CFAP20DC: variants seen among roughly 807,000 people sequenced by gnomAD.
The protein encoded by CFAP20DC is protein CFAP20DC.
A neutral mutation model predicts 101.7 loss-of-function variants in CFAP20DC; 84 were observed. The observed-to-expected ratio is 0.83, with a 90% CI of 0.69 to 0.99. The LOEUF (loss-of-function observed/expected upper bound fraction) is 0.99. Ranked by LOEUF, CFAP20DC falls within the 50% of genes least tolerant of loss-of-function variation. The pLI is 0.00. For missense variants in CFAP20DC, 1,007 were observed against 970.3 expected (o/e 1.04, Z -0.50); for synonymous variants, 359 against 351.2 (o/e 1.02, Z -0.25).
Position 58,717,459 on chromosome 3 carries a change from G to A in CFAP20DC, c.*129C>T. ...GCTTTGGGATCTGTAGACAAAAGAT[G>A]CTTATTCTTCTCATGTGAAATGTGT... is the stretch of plus-strand genomic sequence containing the variant. On this transcript the variant is annotated 3_prime_UTR_variant, in exon 4 of 4. Coordinates refer to the CFAP20DC transcript ENST00000486145. This position sits in a 1 kb window ranked among gnomAD's most constrained non-coding sequence, Gnocchi z 4.1. The A allele has an allele frequency of 3.5e-6, 1 of 287,512 alleles. No individual in the cohort carries two copies. The highest frequency in any genetic ancestry group is 3.0e-5 in the South Asian group (1 of 32,992). The allele number at this position is 287,512 out of a possible 1,614,324, so 17.8% of individuals were successfully genotyped here.
At chr3:58,720,425 A>T (rs907908814) in intron 3 of CFAP20DC, among the ~76,000 whole-genome samples, 3 of 152,154 alleles carry the variant, frequency 2.0e-5, no homozygotes, top group Non-Finnish European at 4.4e-5. Context: ...TAACATGGTG[A>T]CTCTGAGGAC....
chr3:58,983,905 T>C (rs938651408), intron 4 of CFAP20DC, among the ~76,000 whole-genome samples: 16 of 152,202 alleles, frequency 1.1e-4, no homozygotes, highest in Non-Finnish European at 2.4e-4. Flanking sequence ...CCAGGCAGTC[T>C]GGCCCTAGCA....
intron 4 of CFAP20DC, among the ~76,000 whole-genome samples, chr3:58,950,454 T>A (rs1576452606): frequency 6.6e-6 from 1 of 152,216 alleles, no homozygotes; most frequent in South Asian, 2.1e-4. Context: ...CATTGCCAAG[T>A]CAATCCTAAG....
At chr3:58,876,561 T>C (rs1055463000) in intron 7 of CFAP20DC, among the ~76,000 whole-genome samples, 1 of 152,148 alleles carries the variant, frequency 6.6e-6, no homozygotes. Flanking sequence ...TTGGTGTAGG[T>C]CAGAGATGTT....
In CFAP20DC at chr3:58,862,516, C is replaced by T. The variant is rs577037134; in HGVS notation, c.1593+1042G>A. 4.8e-5 allele frequency: 47 copies of T among 985,250 alleles called. 1 individual carries two copies. The highest frequency in any genetic ancestry group is 4.9e-5 in the Non-Finnish European group (41 of 829,928). 61.0% of individuals were successfully genotyped at this position (985,250 alleles called of 1,614,324 possible). Reference sequence around the variant, plus strand: ...CAGAAGCAAGAATATTGTGAAAAGACGATCCTCTACGCGCTTTGCTGAAGA... The same window carrying T: ...CAGAAGCAAGAATATTGTGAAAAGATGATCCTCTACGCGCTTTGCTGAAGA... On this transcript the variant is annotated intron_variant, in intron 12 of 16. Transcript: ENST00000482387.
intron 4 of CFAP20DC, among the ~76,000 whole-genome samples, chr3:58,983,201 T>G (rs1228311813): frequency 6.6e-6 from 1 of 152,214 alleles, no homozygotes; most frequent in Non-Finnish European, 1.5e-5. Flanking sequence ...ATTGTTTAAG[T>G]GGACATCTGT....
chr3:58,930,507 G>A (rs1435238224), intron 5 of CFAP20DC, among the ~76,000 whole-genome samples: 1 of 152,114 alleles, frequency 6.6e-6, no homozygotes, highest in Non-Finnish European at 1.5e-5. Flanking sequence ...AATAACTCTG[G>A]ATCCCAGAAT....
Position 58,912,569 on chromosome 3 carries a change from T to C in CFAP20DC, c.550+1139A>G. 2.8e-6 allele frequency: 1 copy of C among 357,290 alleles called. No individual in the cohort carries two copies. The highest frequency in any genetic ancestry group is 7.6e-5 in the East Asian group (1 of 13,092). The allele number at this position is 357,290 out of a possible 1,614,324, so 22.1% of individuals were successfully genotyped here. On this transcript the variant is annotated intron_variant, in intron 6 of 16. Coordinates refer to ENST00000482387, the MANE Select transcript of CFAP20DC (RefSeq NM_001394063.1). This position sits in a 1 kb window ranked among gnomAD's most constrained non-coding sequence, Gnocchi z 4.4. The stretch of plus-strand genomic sequence containing the variant: ...ATAGAAACTTCTAAGTAATCACCTT[T>C]GACATCTTATATGCAGCCCTGCTTC...
intron 14 of CFAP20DC, among the ~76,000 whole-genome samples, chr3:58,821,217 T>A (rs1478977987): frequency 6.6e-6 from 1 of 152,086 alleles, no homozygotes; most frequent in Non-Finnish European, 1.5e-5. Context: ...GCATTACCAT[T>A]CAGGACATAG....
At chr3:59,008,755 A>T (rs2093503819) in intron 4 of CFAP20DC, among the ~76,000 whole-genome samples, 1 of 152,132 alleles carries the variant, frequency 6.6e-6, no homozygotes, top group Non-Finnish European at 1.5e-5. Context: ...GATATACCTA[A>T]TGCTAAATGA....
chr3:58,932,989 G>C (rs548938612), intron 5 of CFAP20DC, among the ~76,000 whole-genome samples: 1 of 152,062 alleles, frequency 6.6e-6, no homozygotes, highest in Admixed American at 6.6e-5. Flanking sequence ...AAATTGGATA[G>C]AGACAAGACC....
chr3:58,872,558 G>T (rs1023395052), intron 7 of CFAP20DC, among the ~76,000 whole-genome samples: 2 of 152,112 alleles, frequency 1.3e-5, no homozygotes, highest in African/African-American at 4.8e-5. Context: ...TGAACTGAAA[G>T]AATTTTTGCT....
At chr3:58,911,880 C>T (rs947309309) in intron 6 of CFAP20DC, among the ~76,000 whole-genome samples, 7 of 151,956 alleles carry the variant, frequency 4.6e-5, no homozygotes, top group Admixed American at 1.3e-4. Flanking sequence ...TATAGCAACC[C>T]GTACAGAATT....
chr3:58,740,552 T>A (rs2067858131), downstream of CFAP20DC, among the ~76,000 whole-genome samples: 1 of 152,192 alleles, frequency 6.6e-6, no homozygotes, highest in Non-Finnish European at 1.5e-5. The surrounding 1 kb of genome is among the most constrained non-coding windows in gnomAD (Gnocchi z 4.6). Context: ...ATCAAGGGTG[T>A]CTGTTGCTTG....
In CFAP20DC at chr3:58,732,559, T is replaced by C. The variant is rs1207800348; in HGVS notation, c.198-14931A>G. On this transcript the variant is annotated intron_variant, in intron 3 of 3. Coordinates refer to the CFAP20DC transcript ENST00000486145. This position sits in a 1 kb window ranked among gnomAD's most constrained non-coding sequence, Gnocchi z 5.4. Reference sequence around the variant, plus strand: ...GCACACTATTTTAGAGGCTGACATGTACAGTTCTTTTTCCAGCTCAGTATT... The same window carrying C: ...GCACACTATTTTAGAGGCTGACATGCACAGTTCTTTTTCCAGCTCAGTATT... Among the ~76,000 whole-genome samples, 1 of 152,170 alleles carries C rather than the reference T, an allele frequency of 6.6e-6. No homozygotes were observed. The highest frequency in any genetic ancestry group is 1.5e-5 in the Non-Finnish European group (1 of 68,040).
At chr3:58,867,626 C>A (rs1212300827) in intron 10 of CFAP20DC, among the ~76,000 whole-genome samples, 191 bp downstream of exon 10, 1 of 152,056 alleles carries the variant, frequency 6.6e-6, no homozygotes, top group Non-Finnish European at 1.5e-5. Context: ...TCTATTTAAT[C>A]CAGCAAATCT....
rs550930994 is a variant in CFAP20DC, at chr3:58,937,869, A to G, written c.279-107T>C. The G allele has an allele frequency of 3.7e-5, 25 of 675,936 alleles. No individual in the cohort carries two copies. In the African/African-American group the frequency reaches 4.6e-4, roughly 12 times the overall value. The allele number at this position is 675,936 out of a possible 1,614,324, so 41.9% of individuals were successfully genotyped here. A position where few individuals can be genotyped will look rare whatever the true frequency, so the allele number is the denominator to read the frequency against. On this transcript the variant is annotated intron_variant, in intron 4 of 16. Transcript: ENST00000482387. The stretch of plus-strand genomic sequence containing the variant: ...ATTTATCATACAGACCCTTTTCAAC[A>G]GGAAGATCAAACACAGAATTTAAGA...
In CFAP20DC at chr3:59,049,688, C is replaced by A. The variant is rs772716294; in HGVS notation, c.-57G>T. 1.3e-6 allele frequency: 2 copies of A among 1,528,542 alleles called. No individual in the cohort carries two copies. The highest frequency in any genetic ancestry group is 1.8e-6 in the Non-Finnish European group (2 of 1,142,444). The allele number at this position is 1,528,542 out of a possible 1,614,324, so 94.7% of individuals were successfully genotyped here. Reference sequence around the variant, plus strand: ...AGAGTTCAGGGTTTCCAGCGAGTGGCGTGACCCTGACGGCTGGAAATCGGC... The same window carrying A: ...AGAGTTCAGGGTTTCCAGCGAGTGGAGTGACCCTGACGGCTGGAAATCGGC... On this transcript the variant is annotated 5_prime_UTR_variant, in exon 1 of 17. Transcript: ENST00000482387.
intron 14 of CFAP20DC, among the ~76,000 whole-genome samples, chr3:58,827,869 T>C (rs1028220130): frequency 2.0e-5 from 3 of 152,040 alleles, no homozygotes; most frequent in Non-Finnish European, 2.9e-5. Context: ...AACATATGTG[T>C]GGAATGAGTG....
Sources: allele counts gnomAD v4.1 joint callset (sites outside exome capture counted in the v4.1 genomes callset), GRCh38; gene constraint gnomAD v4.1.1; non-coding constraint Gnocchi (gnomAD v3.1); transcripts MANE v1.5; gene names NCBI Gene and HGNC (gene_info 2026-07-23, HGNC 2026-07-21).